The following NAALADL2 variants were observed in gnomAD, a reference collection of about 807,000 sequenced individuals.
NAALADL2 encodes inactive N-acetylated-alpha-linked acidic dipeptidase-like protein 2.
NAALADL2 carries 76 observed loss-of-function variants against 87.2 expected under a neutral mutation model. The observed-to-expected ratio is 0.87, with a 90% CI of 0.72 to 1.05. The LOEUF (loss-of-function observed/expected upper bound fraction) is 1.05. NAALADL2 is among the 50% of genes least tolerant of loss of function. The pLI, the probability that NAALADL2 is intolerant of heterozygous loss-of-function variation, is 0.00. For missense variants in NAALADL2, 1,089 were observed against 945.8 expected, an observed-to-expected ratio of 1.15 and a Z score of -1.99; for synonymous variants, 354 against 331.0, an observed-to-expected ratio of 1.07 and a Z score of -0.75.
At chr3:175,716,722 G>T (rs904663493) in intron 11 of NAALADL2, among the ~76,000 whole-genome samples, 6 of 152,094 alleles carry the variant, frequency 3.9e-5, no homozygotes, top group Admixed American at 3.9e-4. Flanking sequence ...TGGTATTTGA[G>T]GGCAATGGGA....
At chr3:174,762,623 A>G (rs897831458) in intron 3 of NAALADL2, among the ~76,000 whole-genome samples, 4 of 152,154 alleles carry the variant, frequency 2.6e-5, no homozygotes, top group African/African-American at 9.6e-5. Context: ...GGAATTTCAG[A>G]GTGTTCTAAG....
chr3:174,615,771 A>G (rs368865940), intron 2 of NAALADL2, among the ~76,000 whole-genome samples: 1 of 152,046 alleles, frequency 6.6e-6, no homozygotes, highest in East Asian at 1.9e-4. Context: ...GATCAGTACT[A>G]GGAGTTTAAC....
chr3:175,232,344 T>A (rs1255089682), intron 2 of NAALADL2, among the ~76,000 whole-genome samples: 1 of 152,168 alleles, frequency 6.6e-6, no homozygotes, highest in Non-Finnish European at 1.5e-5. Context: ...TTTTATTGCA[T>A]CTTCCTGTGT....
chr3:175,754,101 A>T (rs1193874296), intron 12 of NAALADL2, among the ~76,000 whole-genome samples: 1 of 152,306 alleles, frequency 6.6e-6, no homozygotes, highest in African/African-American at 2.4e-5. Flanking sequence ...TAAGAGAGTG[A>T]TTTTTAAAGA....
At chr3:174,694,553 C>T (rs1342663650) in intron 2 of NAALADL2, among the ~76,000 whole-genome samples, 2 of 151,916 alleles carry the variant, frequency 1.3e-5, no homozygotes, top group Admixed American at 1.3e-4. Context: ...ATTTGTACCT[C>T]AGGGGGCATT....
chr3:174,827,881 G>A (rs933240338), intron 3 of NAALADL2, among the ~76,000 whole-genome samples: 1 of 152,032 alleles, frequency 6.6e-6, no homozygotes, highest in Non-Finnish European at 1.5e-5. Context: ...CCAGGCATGG[G>A]ACTCAAAGTT....
intron 5 of NAALADL2, among the ~76,000 whole-genome samples, chr3:175,390,646 T>C (rs911979525): frequency 1.3e-5 from 2 of 152,108 alleles, no homozygotes; most frequent in African/African-American, 2.4e-5. Flanking sequence ...CAGCTATCAG[T>C]TGGGTGGTAA....
intron 9 of NAALADL2, among the ~76,000 whole-genome samples, chr3:175,559,265 TGTTA>T (rs77672216): frequency 0.13 from 19,583 of 152,046 alleles, 1,344 homozygotes; most frequent in Middle Eastern, 0.17. Context: ...AATTTTTGTA[TGTTA>T]GTTATTTATT....
chr3:175,749,555 AAGAG>A (rs1296547356), intron 12 of NAALADL2, among the ~76,000 whole-genome samples: 2 of 128,242 alleles, frequency 1.6e-5, no homozygotes, highest in East Asian at 2.0e-4. Flanking sequence ...GGGGAAAACA[AAGAG>A]AGAGAACCCA....
At chr3:175,603,961 C>G (rs1723312401) in intron 10 of NAALADL2, among the ~76,000 whole-genome samples, 1 of 152,108 alleles carries the variant, frequency 6.6e-6, no homozygotes, top group Admixed American at 6.6e-5. Flanking sequence ...CCACTGCCCT[C>G]TAGCCTGGGC....
chr3:175,481,351 GTGTGTGTGTGTGTGTA>G (rs961279776), intron 9 of NAALADL2, among the ~76,000 whole-genome samples: 3 of 150,000 alleles, frequency 2.0e-5, no homozygotes, highest in Admixed American at 6.7e-5. Flanking sequence ...GTGTGTGTGT[GTGTGTGTGTGTGTGTA>G]TATAGCTGTG....
In NAALADL2 at chr3:175,062,902, A is replaced by G. The variant is rs552501251; in HGVS notation, c.44-33888A>G. Among the ~76,000 whole-genome samples, 11 of 152,032 alleles carry G rather than the reference A, an allele frequency of 7.2e-5. No individual in the cohort carries two copies. In the South Asian group the frequency reaches 2.3e-3, roughly 32 times the overall value. ...TCATACTTGGATTTCAATATATTAA[A>G]CTCCCCTTCCTATTTCACTTATAAA... On this transcript the variant is annotated intron_variant, in intron 1 of 13. Transcript: ENST00000454872.
chr3:175,766,771 T>C (rs1748746508), intron 13 of NAALADL2, among the ~76,000 whole-genome samples: 1 of 152,196 alleles, frequency 6.6e-6, no homozygotes, highest in South Asian at 2.1e-4. Flanking sequence ...TTTTGCTACA[T>C]AATGAAACTA....
At chr3:174,773,896 G>C (rs746724715) in intron 3 of NAALADL2, among the ~76,000 whole-genome samples, 3 of 152,082 alleles carry the variant, frequency 2.0e-5, no homozygotes, top group Admixed American at 6.6e-5. Context: ...TGGATGAGAG[G>C]AGTAATGAGC....
chr3:175,357,301 C>G (rs999762746), intron 5 of NAALADL2, among the ~76,000 whole-genome samples: 1 of 152,086 alleles, frequency 6.6e-6, no homozygotes, highest in Non-Finnish European at 1.5e-5. Context: ...AGGCTTGACT[C>G]ATCTTAAGTT....
chr3:175,399,927 T>G (rs570475896), intron 5 of NAALADL2, among the ~76,000 whole-genome samples: 1 of 152,228 alleles, frequency 6.6e-6, no homozygotes, highest in South Asian at 2.1e-4. Flanking sequence ...GGTAATGCTA[T>G]AGCATAGATT....
intron 1 of NAALADL2, among the ~76,000 whole-genome samples, chr3:174,490,868 T>C (rs1453423454): frequency 6.6e-6 from 1 of 152,132 alleles, no homozygotes; most frequent in African/African-American, 2.4e-5. Flanking sequence ...TTTAGACTCA[T>C]GCTTATAAAA....
Position 175,602,514 on chromosome 3 carries a change from A to AAC in NAALADL2, c.1801-24767_1801-24766dup, listed in dbSNP as rs545048659. 3.0e-3 allele frequency among the ~76,000 whole-genome samples: 454 copies of AAC among 151,730 alleles called. 1 individual carries two copies. Among genetic ancestry groups the AAC allele is most frequent in the African/African-American group, 0.01 (431 of 41,404 alleles). On this transcript the variant is annotated intron_variant, in intron 10 of 13. Coordinates refer to ENST00000454872, the MANE Select transcript of NAALADL2 (RefSeq NM_207015.3). The stretch of plus-strand genomic sequence containing the variant: ...AATATAATGTGTGTGTGTATATGTC[A>AAC]ACACACACACATTATTTTTAGCTCT...
chr3:174,810,659 C>T (rs1720072927), intron 3 of NAALADL2, among the ~76,000 whole-genome samples: 1 of 150,032 alleles, frequency 6.7e-6, no homozygotes, highest in Non-Finnish European at 1.5e-5. Flanking sequence ...AGAGCATAAA[C>T]ATTTAGAAAA....
Sources: gnomAD v4.1 joint callset for allele counts (sites outside exome capture counted in the v4.1 genomes callset) on GRCh38, gnomAD v4.1.1 for gene constraint, MANE v1.5 for transcripts, NCBI Gene and HGNC (gene_info 2026-07-23, HGNC 2026-07-21) for gene names.